Variants in SNAPC3 observed in about 807,000 individuals in gnomAD.
The protein encoded by SNAPC3 is snRNA-activating protein complex subunit 3.
In SNAPC3, 56 loss-of-function variants were observed where a neutral mutation model predicts 47.7. That is an observed-to-expected ratio of 1.18 (90% CI 0.95 to 1.47). The LOEUF is 1.47. SNAPC3 is among the 40% of genes most tolerant of loss of function. The pLI is 0.00. For missense variants in SNAPC3, 665 were observed against 511.3 expected (o/e 1.30, Z -2.90); for synonymous variants, 235 against 189.9 (o/e 1.24, Z -1.95).
rs1429457589 is a variant in SNAPC3, at chr9:15,460,158, CAT to C, written c.*295_*296del. The C allele has an allele frequency of 5.0e-6, 1 of 198,818 alleles. No individual in the cohort carries two copies. Among genetic ancestry groups the C allele is most frequent in the African/African-American group, 2.3e-5 (1 of 43,390 alleles). The allele number at this position is 198,818 out of a possible 1,614,324, so 12.3% of individuals were successfully genotyped here. ...GACTTTAAATCCTTTGTCAGACACA[CAT>C]ATTCTTTCTCCCAATCCATGCCTTC... On this transcript the variant is annotated 3_prime_UTR_variant, in exon 9 of 9. Transcript: ENST00000380821.
At chr9:15,434,238 C>T (rs1421645174) in intron 3 of SNAPC3, among the ~76,000 whole-genome samples, 2 of 152,114 alleles carry the variant, frequency 1.3e-5, no homozygotes, top group Non-Finnish European at 2.9e-5. Context: ...ATCACCATTT[C>T]CAGAACTTTT....
downstream of SNAPC3, chr9:15,463,076 TTA>T (rs2035340434): frequency 6.6e-6 from 1 of 152,128 alleles, no homozygotes; most frequent in Non-Finnish European, 1.5e-5. Flanking sequence ...ATAATATTAA[TTA>T]TAAAGTGTAT....
intron 3 of SNAPC3, among the ~76,000 whole-genome samples, chr9:15,443,660 C>A (rs907075): frequency 6.6e-6 from 1 of 151,930 alleles, no homozygotes; most frequent in African/African-American, 2.4e-5. Context: ...CCAAGAGGGT[C>A]AAAACCAATG....
In SNAPC3 at chr9:15,428,591, A is replaced by G. The variant is rs559549042; in HGVS notation, c.392+4605A>G. 4.6e-5 allele frequency among the ~76,000 whole-genome samples: 7 copies of G among 152,284 alleles called. No homozygotes were observed. In the East Asian group the frequency reaches 1.2e-3, roughly 25 times the overall value. On this transcript the variant is annotated intron_variant, in intron 2 of 8. Transcript: ENST00000380821. ...CTCAAATAAGCATTTGAGGGTATAAAAATGTTTACCTTGGCTTAGAATTTT... is the reference window on the plus strand; with the variant it reads ...CTCAAATAAGCATTTGAGGGTATAAGAATGTTTACCTTGGCTTAGAATTTT...
rs1245127112 is a variant in SNAPC3 at position 15,430,284 on chromosome 9, TA to T, written c.393-3267del. Among the ~76,000 whole-genome samples, 18 of 151,970 alleles carry T rather than the reference TA, an allele frequency of 1.2e-4. No individual in the cohort carries two copies. The East Asian group carries it at 3.1e-3, about 26-fold the overall frequency. The stretch of plus-strand genomic sequence containing the variant: ...TGTATCTACAAAAAATAAAAACAAT[TA>T]GCCAGCTGTGGTGGCACACACCTGT... On this transcript the variant is annotated intron_variant, in intron 2 of 8. Transcript: ENST00000380821.
chr9:15,459,967 G>A lies in SNAPC3; in HGVS notation c.*101G>A. The A allele has an allele frequency of 1.9e-6, 2 of 1,034,560 alleles. No homozygotes were observed. Among genetic ancestry groups the A allele is most frequent in the Non-Finnish European group, 2.8e-6 (2 of 714,354 alleles). 64.1% of individuals were successfully genotyped at this position (1,034,560 alleles called of 1,614,324 possible). On this transcript the variant is annotated 3_prime_UTR_variant, in exon 9 of 9. Coordinates refer to ENST00000380821, the MANE Select transcript of SNAPC3 (RefSeq NM_001039697.2). ...GCCACTGAGGAACAGGATCCACTTT[G>A]AACAGTCCGCTAAAGCTATCAAAAA...
chr9:15,433,801 C>T (rs1208866747), intron 3 of SNAPC3, 165 bp downstream of exon 3: 5 of 451,580 alleles, frequency 1.1e-5, no homozygotes, highest in East Asian at 6.8e-5. Context: ...GAAGAGGACC[C>T]TTAGAACTCA....
chr9:15,439,922 G>C (rs776112278), intron 3 of SNAPC3, among the ~76,000 whole-genome samples: 2 of 152,164 alleles, frequency 1.3e-5, no homozygotes, highest in African/African-American at 4.8e-5. Flanking sequence ...AGGATGTTTT[G>C]ACTTTATGAT....
At chr9:15,445,290 A>G (rs2033839752) in intron 4 of SNAPC3, among the ~76,000 whole-genome samples, 1 of 152,246 alleles carries the variant, frequency 6.6e-6, no homozygotes, top group Admixed American at 6.5e-5. Flanking sequence ...AAGTATATGT[A>G]AATCCATAAT....
intron 5 of SNAPC3, among the ~76,000 whole-genome samples, chr9:15,447,554 C>T (rs957881495): frequency 2.6e-5 from 4 of 151,662 alleles, no homozygotes; most frequent in South Asian, 2.1e-4. Context: ...GACAGAGTCT[C>T]GCTCTGCCGC....
intron 4 of SNAPC3, among the ~76,000 whole-genome samples, chr9:15,446,870 A>G (rs10756666): frequency 0.7 from 106,435 of 151,932 alleles, 39,605 homozygotes; most frequent in Non-Finnish European, 0.82. Flanking sequence ...GGTGTGTAAT[A>G]AAGGAGGTGG....
intron 4 of SNAPC3, 36 bp downstream of exon 4, chr9:15,444,742 A>C: frequency 9.0e-7 from 1 of 1,107,032 alleles, no homozygotes; most frequent in Non-Finnish European, 1.4e-6. Flanking sequence ...TATGGATAAT[A>C]GTAACTTTTG....
chr9:15,458,454 A>T (rs939454654), intron 8 of SNAPC3, among the ~76,000 whole-genome samples: 3 of 152,200 alleles, frequency 2.0e-5, no homozygotes, highest in African/African-American at 7.2e-5. Flanking sequence ...GGGAAGTCTA[A>T]CCAAAGAAAA....
chr9:15,453,132 A>G lies in SNAPC3; in HGVS notation c.907A>G (p.Ile303Val). The G allele has an allele frequency of 6.2e-7, 1 of 1,613,070 alleles. No homozygotes were observed. The highest frequency in any genetic ancestry group is 2.2e-5 in the East Asian group (1 of 44,844). The change falls in exon 7 of 9, where the codon ATT becomes GTT. Residue 303 changes from isoleucine (I) to valine (V), a missense_variant. By Grantham distance (29) the Ile-to-Val change is conservative. Coordinates refer to ENST00000380821, the MANE Select transcript of SNAPC3 (RefSeq NM_001039697.2). ...AGATTTCACCTTCAATGACTTGTGT[A>G]TTAAACTGGGTTTTCCTTACTTATA... The part of the protein sequence containing the change: ...MEDFTFNDLC[I>V]KLGFPYLYCH...
chr9:15,449,563 A>ATT lies in SNAPC3; in HGVS notation c.733-1734_733-1733dup, dbSNP rs568645696. On this transcript the variant is annotated intron_variant, in intron 5 of 8. Coordinates refer to ENST00000380821, the MANE Select transcript of SNAPC3 (RefSeq NM_001039697.2). ...TATATATATATATATATATATATAT[A>ATT]TTTTTTTTTTTTTTTTTTTTTTTTG... Among the ~76,000 whole-genome samples, 29 of 39,508 alleles carry ATT rather than the reference A, an allele frequency of 7.3e-4. 1 individual carries two copies. The highest frequency in any genetic ancestry group is 4.3e-3 in the South Asian group (3 of 704). 25.9% of individuals were successfully genotyped at this position (39,508 alleles called of 152,430 possible).
At chr9:15,447,856 T>C (rs2034069465) in intron 5 of SNAPC3, among the ~76,000 whole-genome samples, 1 of 152,164 alleles carries the variant, frequency 6.6e-6, no homozygotes, top group East Asian at 1.9e-4. Context: ...CTTGCTGGTG[T>C]TTCCCCAATG....
rs1389854833 is a variant in SNAPC3 at position 15,442,231 on chromosome 9, G to A, written c.478-2371G>A. 4.8e-5 allele frequency among the ~76,000 whole-genome samples: 7 copies of A among 147,208 alleles called. 1 individual carries two copies. Among genetic ancestry groups the A allele is most frequent in the African/African-American group, 1.0e-4 (4 of 39,726 alleles). ...CCCCCACCTCCCTCCGGGACGGGGC[G>A]GCTGGCCGGGCGGGGGCTGCCCCCA... On this transcript the variant is annotated intron_variant, in intron 3 of 8. Coordinates refer to ENST00000380821, the MANE Select transcript of SNAPC3 (RefSeq NM_001039697.2).
At chr9:15,423,280 G>T in intron 1 of SNAPC3, 87 bp downstream of exon 1, 1 of 1,337,786 alleles carries the variant, frequency 7.5e-7, no homozygotes, top group Non-Finnish European at 1.0e-6. Context: ...TCATCCCTGA[G>T]AAGGGCCTGT....
At chr9:15,449,506 TTA>T (rs1166078291) in intron 5 of SNAPC3, among the ~76,000 whole-genome samples, 1 of 146,728 alleles carries the variant, frequency 6.8e-6, no homozygotes, top group African/African-American at 2.5e-5. Context: ...ATATCTCCTG[TTA>T]TATTGTTTCT....
Sources: gnomAD v4.1 joint callset for allele counts (sites outside exome capture counted in the v4.1 genomes callset) on GRCh38, gnomAD v4.1.1 for gene constraint, MANE v1.5 for transcripts, NCBI Gene and HGNC (gene_info 2026-07-23, HGNC 2026-07-21) for gene names.